Variants in PLA2G4A observed in about 807,000 individuals in gnomAD.
The protein encoded by PLA2G4A is cytosolic phospholipase A2.
In PLA2G4A, 40 loss-of-function variants were observed where a neutral mutation model predicts 81.9. The ratio of observed to expected loss-of-function variants is 0.49; its 90% CI spans 0.38 to 0.64. PLA2G4A has a LOEUF of 0.64. PLA2G4A is among the 30% of genes least tolerant of loss of function. The pLI, the probability that PLA2G4A is intolerant of heterozygous loss-of-function variation, is 0.00. For synonymous variants in PLA2G4A, 302 were observed against 296.9 expected, an observed-to-expected ratio of 1.02 and a Z score of -0.18; for missense variants, 715 against 905.1, an observed-to-expected ratio of 0.79 and a Z score of 2.69.
At chr1:186,850,781 G>A (rs1652345028) in intron 1 of PLA2G4A, among the ~76,000 whole-genome samples, 1 of 151,932 alleles carries the variant, frequency 6.6e-6, no homozygotes, top group South Asian at 2.1e-4. Context: ...AGTCAATAGG[G>A]CCACAAAGTT....
intron 2 of PLA2G4A, among the ~76,000 whole-genome samples, chr1:186,860,575 A>C (rs549226981): frequency 5.3e-5 from 8 of 152,328 alleles, no homozygotes; most frequent in Non-Finnish European, 1.0e-4. Flanking sequence ...AATGTCGTTT[A>C]GAAATACCCT....
intron 10 of PLA2G4A, among the ~76,000 whole-genome samples, chr1:186,940,806 TG>T (rs1656125187): frequency 6.6e-6 from 1 of 152,208 alleles, no homozygotes; most frequent in Admixed American, 6.5e-5. Flanking sequence ...GCTGAACTCA[TG>T]GGTATATAGA....
At chr1:186,836,341 A>C (rs117020431) in intron 1 of PLA2G4A, among the ~76,000 whole-genome samples, 2,894 of 151,492 alleles carry the variant, frequency 0.019, 46 homozygotes, top group East Asian at 0.045. Context: ...TGTACATAAG[A>C]TATTAATCAA....
In PLA2G4A at chr1:186,894,174, T is replaced by C; in HGVS notation, c.341T>C (p.Val114Ala). 6.8e-7 allele frequency: 1 copy of C among 1,476,674 alleles called. No individual in the cohort carries two copies. Among genetic ancestry groups the C allele is most frequent in the Non-Finnish European group, 9.5e-7 (1 of 1,054,732 alleles). The allele number at this position is 1,476,674 out of a possible 1,614,324, so 91.5% of individuals were successfully genotyped here. ...TATFTVSSMK[V>A]GEKKEVPFIF... ...ACATTTACTGTATCTTCTATGAAGG[T>C]GGGAGAAAAGAAAGAAGTTCCTTTT... is the stretch of plus-strand genomic sequence containing the variant. Residue 114 changes from valine (V) to alanine (A), a missense_variant, in exon 5 of 18, where the codon GTG becomes GCG. By Grantham distance (64) the Val-to-Ala change is moderately conservative (BLOSUM62 0). Transcript: ENST00000367466.
chr1:186,950,560 T>C (rs150346737), intron 12 of PLA2G4A, 97 bp from the exon 13 acceptor site: 29 of 696,882 alleles, frequency 4.2e-5, no homozygotes, highest in Non-Finnish European at 5.8e-5. Flanking sequence ...CTAGTAGATC[T>C]CACTCTGTGG....
chr1:186,883,609 C>T (rs936179646), intron 3 of PLA2G4A, among the ~76,000 whole-genome samples: 2 of 151,936 alleles, frequency 1.3e-5, no homozygotes, highest in Non-Finnish European at 2.9e-5. Context: ...GTAAGGGACA[C>T]AAGAAGAAAG....
chr1:186,949,056 G>A (rs926321095), intron 12 of PLA2G4A, among the ~76,000 whole-genome samples: 1 of 152,148 alleles, frequency 6.6e-6, no homozygotes, highest in South Asian at 2.1e-4. Flanking sequence ...AACTCTGAAT[G>A]AAACTACTTA....
At chr1:186,855,693 A>G (rs890153272) in intron 2 of PLA2G4A, among the ~76,000 whole-genome samples, 2 of 151,976 alleles carry the variant, frequency 1.3e-5, no homozygotes, top group African/African-American at 4.8e-5. Context: ...ACACTTCCAC[A>G]CTTTTACATT....
chr1:186,899,912 A>G (rs1299535127), intron 5 of PLA2G4A, among the ~76,000 whole-genome samples: 2 of 152,192 alleles, frequency 1.3e-5, no homozygotes, highest in African/African-American at 2.4e-5. Context: ...GTTGAATGCA[A>G]TGATTGCTTA....
rs371640795 is a variant in PLA2G4A at position 186,939,897 on chromosome 1, G to T, written c.919-83G>T. 4.1e-6 allele frequency: 3 copies of T among 736,710 alleles called. No homozygotes were observed. In the South Asian group the frequency reaches 4.4e-5, roughly 11 times the overall value. 45.6% of individuals were successfully genotyped at this position (736,710 alleles called of 1,614,324 possible). ...TTTTATTATAAAGTTATAAGATTTT[G>T]ATTGGAAGTACTATTTTGAATAGCA... On this transcript the variant is annotated intron_variant, in intron 9 of 17. Coordinates refer to ENST00000367466, the MANE Select transcript of PLA2G4A (RefSeq NM_024420.3).
At chr1:186,949,601 T>C (rs980063485) in intron 12 of PLA2G4A, among the ~76,000 whole-genome samples, 1 of 152,118 alleles carries the variant, frequency 6.6e-6, no homozygotes, top group Non-Finnish European at 1.5e-5. Context: ...TTGTGAACAT[T>C]TAATCAAATT....
intron 1 of PLA2G4A, among the ~76,000 whole-genome samples, chr1:186,836,321 T>C (rs1651775262): frequency 6.6e-6 from 1 of 151,040 alleles, no homozygotes; most frequent in South Asian, 2.1e-4. Context: ...ATTGTTATTA[T>C]ATATTAATAT....
At chr1:186,832,698 C>T (rs1164148826) in intron 1 of PLA2G4A, among the ~76,000 whole-genome samples, 2 of 152,078 alleles carry the variant, frequency 1.3e-5, no homozygotes, top group Non-Finnish European at 2.9e-5. Context: ...TGAATTGTCT[C>T]TTTCAATGTG....
intron 3 of PLA2G4A, among the ~76,000 whole-genome samples, chr1:186,886,235 A>T (rs900967434): frequency 6.6e-6 from 1 of 152,206 alleles, no homozygotes; most frequent in Non-Finnish European, 1.5e-5. Flanking sequence ...CTTAAATGAT[A>T]GATTAATGGA....
At chr1:186,954,289 A>G (rs1218454547) in intron 13 of PLA2G4A, among the ~76,000 whole-genome samples, 4 of 152,222 alleles carry the variant, frequency 2.6e-5, no homozygotes, top group Non-Finnish European at 5.9e-5. Context: ...TGTCCTTTGC[A>G]GGAACATGCA....
chr1:186,909,348 A>G (rs2102150365), intron 6 of PLA2G4A, among the ~76,000 whole-genome samples: 1 of 112,080 alleles, frequency 8.9e-6, no homozygotes, highest in South Asian at 3.2e-4. Context: ...AAAAGAGTGT[A>G]GCCCAAGATT....
At chr1:186,917,078 G>T (rs1655164190) in intron 7 of PLA2G4A, among the ~76,000 whole-genome samples, 1 of 148,104 alleles carries the variant, frequency 6.8e-6, no homozygotes, top group Admixed American at 6.6e-5. Context: ...GTGGATCCAG[G>T]GTGGGATTCC....
intron 1 of PLA2G4A, among the ~76,000 whole-genome samples, chr1:186,841,856 T>C (rs1651992003): frequency 6.6e-6 from 1 of 152,198 alleles, no homozygotes; most frequent in Non-Finnish European, 1.5e-5. Flanking sequence ...GGATTAGTAC[T>C]TCCCAAATGT....
intron 14 of PLA2G4A, among the ~76,000 whole-genome samples, chr1:186,962,834 A>AT (rs1657008144): frequency 6.6e-6 from 1 of 151,700 alleles, no homozygotes; most frequent in African/African-American, 2.4e-5. Flanking sequence ...TTGTGTTATT[A>AT]TTTTTTATAC....
Sources: allele counts gnomAD v4.1 joint callset (sites outside exome capture counted in the v4.1 genomes callset), GRCh38; gene constraint gnomAD v4.1.1; transcripts MANE v1.5; gene names NCBI Gene and HGNC (gene_info 2026-07-23, HGNC 2026-07-21).